Variants in PDE1A observed in about 807,000 individuals in gnomAD.
PDE1A encodes phosphodiesterase 1A.
In PDE1A, 35 loss-of-function variants were observed where a neutral mutation model predicts 61.7. The observed-to-expected ratio is 0.57, with a 90% CI of 0.43 to 0.75. The LOEUF is 0.75. Among genes scored for constraint, PDE1A ranks in the 30% least tolerant of loss-of-function variants. The pLI is 0.00. For missense variants in PDE1A, 597 were observed against 630.6 expected, an observed-to-expected ratio of 0.95 and a Z score of 0.57; for synonymous variants, 232 against 213.2, an observed-to-expected ratio of 1.09 and a Z score of -0.77.
chr2:182,304,851 C>T (rs539233914), intron 1 of PDE1A, among the ~76,000 whole-genome samples: 1 of 152,000 alleles, frequency 6.6e-6, no homozygotes. Flanking sequence ...ATATAGTTTG[C>T]AAGAATTACT....
the PDE1A span, among the ~76,000 whole-genome samples, chr2:182,595,020 C>T: frequency 1.3e-5 from 2 of 152,162 alleles, no homozygotes; most frequent in East Asian, 3.9e-4. Flanking sequence ...TAGTGGTACA[C>T]ATTCATATAA....
intron 13 of PDE1A, among the ~76,000 whole-genome samples, chr2:182,173,559 A>G (rs1421238773): frequency 1.0e-5 from 1 of 96,134 alleles, no homozygotes; most frequent in African/African-American, 4.0e-5. Flanking sequence ...AATATATAAT[A>G]TAATAATTTA....
At chr2:182,365,626 T>G (rs1475469297) in intron 1 of PDE1A, among the ~76,000 whole-genome samples, 1 of 152,008 alleles carries the variant, frequency 6.6e-6, no homozygotes, top group African/African-American at 2.4e-5. Context: ...TCCTGTGTTC[T>G]TCTCCTTACT....
the PDE1A span, among the ~76,000 whole-genome samples, chr2:182,542,325 T>A: frequency 6.6e-6 from 1 of 152,180 alleles, no homozygotes; most frequent in African/African-American, 2.4e-5. Context: ...CAGCTATCTC[T>A]ATGTATGTTC....
chr2:182,205,690 T>G (rs929455807), intron 8 of PDE1A, among the ~76,000 whole-genome samples: 1 of 152,164 alleles, frequency 6.6e-6, no homozygotes, highest in Admixed American at 6.5e-5. Context: ...AATTATTTGT[T>G]GTGTTGTGTG....
chr2:182,271,712 T>C (rs771550066), intron 1 of PDE1A, among the ~76,000 whole-genome samples: 9 of 152,156 alleles, frequency 5.9e-5, no homozygotes, highest in Admixed American at 2.0e-4. Context: ...CTGAGTCATA[T>C]TACATCATTT....
chr2:182,569,920 A>T, the PDE1A span, among the ~76,000 whole-genome samples: 1 of 152,190 alleles, frequency 6.6e-6, no homozygotes, highest in Non-Finnish European at 1.5e-5. Context: ...AGTGTTTTCC[A>T]ACTGTCCCAG....
chr2:182,600,678 G>C, the PDE1A span, among the ~76,000 whole-genome samples: 1 of 152,190 alleles, frequency 6.6e-6, no homozygotes, highest in Non-Finnish European at 1.5e-5. Context: ...AGTTAGCCCA[G>C]CCATGCATTG....
chr2:182,200,091 T>C (rs1423573245), intron 10 of PDE1A, among the ~76,000 whole-genome samples: 1 of 152,162 alleles, frequency 6.6e-6, no homozygotes, highest in Non-Finnish European at 1.5e-5. Context: ...TAAAGAACAA[T>C]ACTGAGAAAT....
At chr2:182,168,975 G>A (rs1408311958) in intron 13 of PDE1A, among the ~76,000 whole-genome samples, 1 of 151,918 alleles carries the variant, frequency 6.6e-6, no homozygotes, top group Non-Finnish European at 1.5e-5. Flanking sequence ...AAATTATTAA[G>A]TCTTGTGTGC....
chr2:182,562,318 G>T, the PDE1A span, among the ~76,000 whole-genome samples: 2 of 149,864 alleles, frequency 1.3e-5, no homozygotes, highest in African/African-American at 4.9e-5. Flanking sequence ...ATAATCATGT[G>T]GTTTTTGTCT....
chr2:182,512,834 C>G (rs191254484), intron 2 of PDE1A, among the ~76,000 whole-genome samples: 1 of 151,990 alleles, frequency 6.6e-6, no homozygotes, highest in Non-Finnish European at 1.5e-5. Context: ...CAGAATAGAC[C>G]AAGCTGAGGA....
chr2:182,456,303 A>G (rs1297140033), intron 2 of PDE1A, among the ~76,000 whole-genome samples: 1 of 152,022 alleles, frequency 6.6e-6, no homozygotes, highest in African/African-American at 2.4e-5. Context: ...AGGGGCAGCA[A>G]TACGGATCTT....
chr2:182,320,747 T>A (rs780923984), intron 1 of PDE1A, among the ~76,000 whole-genome samples: 2 of 152,208 alleles, frequency 1.3e-5, no homozygotes, highest in Non-Finnish European at 2.9e-5. Flanking sequence ...AAAAGACCTA[T>A]GATTAATATA....
At position 182,172,597 on chromosome 2, in the gene PDE1A, GCCT is replaced by G. The variant is rs1692332075; in HGVS notation, c.1517-4310_1517-4308del. On this transcript the variant is annotated intron_variant, in intron 13 of 13. Coordinates refer to ENST00000351439, the Ensembl canonical transcript of PDE1A. ...CTTACTAGAACTCTAATTTGGGTAG[GCCT>G]CCTGCAAATGCATTTCTCACTTCTT... is the stretch of plus-strand genomic sequence containing the variant. Among the ~76,000 whole-genome samples the G allele has an allele frequency of 2.6e-5, 4 of 152,116 alleles. No individual in the cohort carries two copies. The South Asian group carries it at 8.3e-4, about 32-fold the overall frequency.
chr2:182,685,114 T>C, the PDE1A span, among the ~76,000 whole-genome samples: 8 of 149,772 alleles, frequency 5.3e-5, no homozygotes, highest in South Asian at 4.2e-4. Context: ...CATATATATA[T>C]ACACACACAC....
chr2:182,552,519 A>G, the PDE1A span, among the ~76,000 whole-genome samples: 1 of 142,074 alleles, frequency 7.0e-6, no homozygotes, highest in African/African-American at 2.6e-5. Context: ...ATCTCGGCTC[A>G]CTGCAACTGA....
At chr2:182,626,802 CATATATATATACAT>C in the PDE1A span, among the ~76,000 whole-genome samples, 3 of 5,414 alleles carry the variant, frequency 5.5e-4, no homozygotes, top group East Asian at 3.0e-3. Context: ...CATATATATA[CATATATATATACAT>C]ATATATATAC....
chr2:182,286,497 T>G (rs1694174403), intron 1 of PDE1A, among the ~76,000 whole-genome samples: 1 of 152,178 alleles, frequency 6.6e-6, no homozygotes, highest in African/African-American at 2.4e-5. Context: ...ATCCAGTCAT[T>G]ACATAATCAG....
Sources: gnomAD v4.1 joint callset for allele counts (sites outside exome capture counted in the v4.1 genomes callset) on GRCh38, gnomAD v4.1.1 for gene constraint, MANE v1.5 for transcripts, NCBI Gene and HGNC (gene_info 2026-07-23, HGNC 2026-07-21) for gene names.